The following KCNH6 variants were observed in gnomAD, a reference collection of about 807,000 sequenced individuals.
KCNH6 encodes the protein potassium voltage-gated channel subfamily H member 6.
A neutral mutation model predicts 83.4 loss-of-function variants in KCNH6; 81 were observed. The ratio of observed to expected loss-of-function variants is 0.97; its 90% CI spans 0.81 to 1.17. The LOEUF (loss-of-function observed/expected upper bound fraction) is 1.17. Among genes scored for constraint, KCNH6 ranks in the 50% most tolerant of loss-of-function variants. KCNH6 has a pLI of 0.00. For missense variants in KCNH6, 1,203 were observed against 1,290.5 expected, an observed-to-expected ratio of 0.93 and a Z score of 1.04; for synonymous variants, 503 against 545.6, an observed-to-expected ratio of 0.92 and a Z score of 1.09.
rs2032633343 is a variant in KCNH6, at chr17:63,538,230, C to T, written c.1667C>T (p.Ala556Val). 1 of 1,614,198 alleles carries T rather than the reference C, an allele frequency of 6.2e-7. No homozygotes were observed. Among genetic ancestry groups the T allele is most frequent in the Non-Finnish European group, 8.5e-7 (1 of 1,180,024 alleles). The change falls in exon 7 of 13, where the codon GCC becomes GTC. Residue 556 changes from alanine to valine, a missense_variant. By Grantham distance (64) the Ala-to-Val change is moderately conservative. Coordinates refer to ENST00000314672, the MANE Select transcript of KCNH6 (RefSeq NM_001278919.2). This position sits in a 1 kb window ranked among gnomAD's most constrained non-coding sequence, Gnocchi z 4.0. ...CGCCTGGAGGAGTATTTCCAGCACG[C>T]CTGGTCCTACACCAATGGCATTGAC... ...RQRLEEYFQHAWSYTNGIDMN... is the reference protein window; with the variant it reads ...RQRLEEYFQHVWSYTNGIDMN...
chr17:63,530,050 C>A (rs777794197), intron 2 of KCNH6, 41 bp from the exon 3 acceptor site: 6 of 1,603,714 alleles, frequency 3.7e-6, no homozygotes, highest in Non-Finnish European at 5.1e-6. Context: ...GGAGGGGACC[C>A]CTTCAGGGCC....
rs1403228497 is a variant in KCNH6, at chr17:63,530,551, C to G, written c.675+9C>G. On this transcript the variant is annotated intron_variant, in intron 4 of 12. Coordinates refer to ENST00000314672, the MANE Select transcript of KCNH6 (RefSeq NM_001278919.2). ...CTGAGAAGGTCACCCAGGTGCGGGCCTGCAGAGCAGGGTGTGCAGAGCTGT... is the reference window on the plus strand; with the variant it reads ...CTGAGAAGGTCACCCAGGTGCGGGCGTGCAGAGCAGGGTGTGCAGAGCTGT... 2 of 1,613,588 alleles carry G rather than the reference C, an allele frequency of 1.2e-6. No individual in the cohort carries two copies. Among genetic ancestry groups the G allele is most frequent in the Non-Finnish European group, 8.5e-7 (1 of 1,179,762 alleles).
At chr17:63,542,910 C>A (rs1403007999) in intron 9 of KCNH6, among the ~76,000 whole-genome samples, 1 of 152,152 alleles carries the variant, frequency 6.6e-6, no homozygotes. Flanking sequence ...TTCTCATGCT[C>A]ATCCCTCAGT....
At chr17:63,548,159 G>A (rs377180512), downstream of KCNH6, among the ~76,000 whole-genome samples, 9 of 152,192 alleles carry the variant, frequency 5.9e-5, no homozygotes, top group East Asian at 1.9e-4. Context: ...CCAGCTACTC[G>A]GGAGGCTGAG....
Position 63,538,756 on chromosome 17 carries a change from G to C in KCNH6, c.1954+94G>C. ...CTGCCCAGGCCACCCTCTTCCTGAT[G>C]AGGATTTTACTTTTACTGGCAGCCA... On this transcript the variant is annotated intron_variant, in intron 8 of 12. Transcript: ENST00000314672. The surrounding 1 kb of genome is among the most constrained non-coding windows in gnomAD (Gnocchi z 4.0). The C allele has an allele frequency of 7.4e-7, 1 of 1,351,390 alleles. No individual in the cohort carries two copies. The highest frequency in any genetic ancestry group is 1.0e-6 in the Non-Finnish European group (1 of 992,898). The allele number at this position is 1,351,390 out of a possible 1,614,324, so 83.7% of individuals were successfully genotyped here. A position where few individuals can be genotyped will look rare whatever the true frequency, so the allele number is the denominator to read the frequency against.
rs1598018957 is a variant in KCNH6 at position 63,546,044 on chromosome 17, C to G, written c.*142C>G. On this transcript the variant is annotated 3_prime_UTR_variant, in exon 13 of 13. Transcript: ENST00000314672. ...AGGCGGGCGGATCAGACCATCCTGG[C>G]TAACACGGTGAAACCCCACCTCTAC... 3 of 687,206 alleles carry G rather than the reference C, an allele frequency of 4.4e-6. No homozygotes were observed. In the East Asian group the frequency reaches 8.1e-5, roughly 19 times the overall value. 42.6% of individuals were successfully genotyped at this position (687,206 alleles called of 1,614,324 possible). A position where few individuals can be genotyped will look rare whatever the true frequency, so the allele number is the denominator to read the frequency against.
rs1251861610 is a variant in KCNH6 at position 63,538,121 on chromosome 17, TCGGG to T, written c.1560_1563del (p.Gly521ProfsTer44). ...GTCCGCGATCATCCAGCGCCTGTAC[TCGGG>T]CACCGCGCGCTACCACACGCAGATG... On this transcript the variant is annotated frameshift_variant, in exon 7 of 13. Transcript: ENST00000314672. LOFTEE classifies it high-confidence loss of function. This position sits in a 1 kb window ranked among gnomAD's most constrained non-coding sequence, Gnocchi z 4.0. 6.2e-7 allele frequency: 1 copy of T among 1,614,016 alleles called. No individual in the cohort carries two copies. The highest frequency in any genetic ancestry group is 8.5e-7 in the Non-Finnish European group (1 of 1,180,038).
rs372414827 is a variant in KCNH6 at position 63,545,610 on chromosome 17, C to T, written c.2585C>T (p.Thr862Ile). ...ATCCCTCTTTCTTGCTCCTCCCAGA[C>T]CCCAAGCTATGGAGACTTGGATGAC... ...LPQGFLPPAQ[T>I]PSYGDLDDCS... The change falls in exon 13 of 13, where the codon ACC becomes ATC. Residue 862 changes from threonine (T) to isoleucine (I), a missense_variant and splice_region_variant. Physicochemically the swap from Thr to Ile is moderately conservative, Grantham distance 89. Coordinates refer to ENST00000314672, the MANE Select transcript of KCNH6 (RefSeq NM_001278919.2). 2.5e-6 allele frequency: 4 copies of T among 1,612,142 alleles called. No homozygotes were observed. The highest frequency in any genetic ancestry group is 2.5e-6 in the Non-Finnish European group (3 of 1,178,854).
intron 2 of KCNH6, 131 bp downstream of exon 2, chr17:63,524,500 C>A: frequency 7.2e-6 from 5 of 691,472 alleles, no homozygotes; most frequent in Admixed American, 5.1e-5. Flanking sequence ...CTTCTAGGGG[C>A]CTTGGTTCCT....
downstream of KCNH6, among the ~76,000 whole-genome samples, chr17:63,547,202 G>A (rs1281809372): frequency 6.6e-6 from 1 of 152,026 alleles, no homozygotes; most frequent in Admixed American, 6.6e-5. Flanking sequence ...GTGTGCTTCT[G>A]TGTGTAAATT....
At chr17:63,544,090 G>A (rs889471028) in intron 10 of KCNH6, 159 bp from the exon 11 acceptor site, 4 of 1,609,724 alleles carry the variant, frequency 2.5e-6, no homozygotes, top group African/African-American at 1.3e-5. Context: ...AACTCCATGG[G>A]GGCAGGACCT....
chr17:63,540,142 G>A (rs1364059559), intron 8 of KCNH6, among the ~76,000 whole-genome samples: 2 of 152,224 alleles, frequency 1.3e-5, no homozygotes, highest in East Asian at 3.9e-4. Context: ...TACCTTAGAC[G>A]TGCCATCCAT....
In KCNH6 at chr17:63,524,219, G is replaced by C; in HGVS notation, c.157G>C (p.Gly53Arg). ...YCNDGFCELF[G>R]YSRVEVMQQP... ...CAACGACGGCTTCTGCGAACTCTTC[G>C]GCTACTCCCGAGTGGAGGTGATGCA... is the stretch of plus-strand genomic sequence containing the variant. The change falls in exon 2 of 13, where the codon GGC becomes CGC. Residue 53 changes from glycine (G) to arginine (R), a missense_variant. Transcript: ENST00000314672. 1 of 1,614,092 alleles carries C rather than the reference G, an allele frequency of 6.2e-7. No homozygotes were observed. Among genetic ancestry groups the C allele is most frequent in the Non-Finnish European group, 8.5e-7 (1 of 1,180,026 alleles).
rs1411414296 is a variant in KCNH6 at position 63,542,228 on chromosome 17, C to T, written c.1955-13C>T. ...TCAGACCCTGAAGAGACTCCCACCC[C>T]TCTGGCTGGCAGGAAAGAATGACAT... On this transcript the variant is annotated splice_polypyrimidine_tract_variant and intron_variant, in intron 8 of 12. Coordinates refer to ENST00000314672, the MANE Select transcript of KCNH6 (RefSeq NM_001278919.2). 6.8e-6 allele frequency: 11 copies of T among 1,612,738 alleles called. No homozygotes were observed. The highest frequency in any genetic ancestry group is 1.6e-4 in the Middle Eastern group (1 of 6,078).
rs1055716985 is a variant in KCNH6, at chr17:63,535,468, A to G, written c.1102-201A>G. Among the ~76,000 whole-genome samples the G allele has an allele frequency of 1.3e-5, 2 of 152,220 alleles. No homozygotes were observed. Among genetic ancestry groups the G allele is most frequent in the African/African-American group, 4.8e-5 (2 of 41,464 alleles). On this transcript the variant is annotated intron_variant, in intron 5 of 12. Transcript: ENST00000314672. The surrounding 1 kb of genome is among the most constrained non-coding windows in gnomAD (Gnocchi z 4.9). ...CCACTGGACTTCTGTCCTAGCAACCAGAACACTATTCTGAGCTTTAGGCTG... is the reference window on the plus strand; with the variant it reads ...CCACTGGACTTCTGTCCTAGCAACCGGAACACTATTCTGAGCTTTAGGCTG...
chr17:63,538,636 G>A lies in KCNH6; in HGVS notation c.1928G>A (p.Arg643His). Residue 643 changes from arginine to histidine, a missense_variant, in exon 8 of 13, where the codon CGC becomes CAC. Coordinates refer to ENST00000314672, the MANE Select transcript of KCNH6 (RefSeq NM_001278919.2). The surrounding 1 kb of genome is among the most constrained non-coding windows in gnomAD (Gnocchi z 4.0). ...FISRGSIEIL[R>H]DDVVVAILGK... ...TCCCGAGGCTCCATCGAGATCCTGC[G>A]CGACGACGTGGTCGTGGCCATCCTA... is the stretch of plus-strand genomic sequence containing the variant. 1 of 1,599,614 alleles carries A rather than the reference G, an allele frequency of 6.3e-7. No homozygotes were observed. The highest frequency in any genetic ancestry group is 8.5e-7 in the Non-Finnish European group (1 of 1,170,798).
rs375004915 is a variant in KCNH6 at position 63,535,797 on chromosome 17, C to T, written c.1230C>T (p.Leu410=). The change falls in exon 6 of 13, where the codon CTC becomes CTT. Residue 410 remains leucine (L), a synonymous_variant. Coordinates refer to ENST00000314672, the MANE Select transcript of KCNH6 (RefSeq NM_001278919.2). This position sits in a 1 kb window ranked among gnomAD's most constrained non-coding sequence, Gnocchi z 4.9. ...VLFLLMCTFA[L]IAHWLACIWY... ...TCTTGCTCATGTGCACCTTCGCGCT[C>T]ATAGCGCACTGGCTGGCCTGCATCT... 3.1e-6 allele frequency: 5 copies of T among 1,614,250 alleles called. No individual in the cohort carries two copies. The highest frequency in any genetic ancestry group is 2.2e-5 in the South Asian group (2 of 91,090).
rs35543459 is a variant in KCNH6, at chr17:63,538,300, G to GT, written c.1701+36_1701+37insT. 1.3e-6 allele frequency: 2 copies of GT among 1,486,016 alleles called. No individual in the cohort carries two copies. Among genetic ancestry groups the GT allele is most frequent in the Admixed American group, 2.0e-5 (1 of 49,004 alleles). The allele number at this position is 1,486,016 out of a possible 1,614,324, so 92.1% of individuals were successfully genotyped here. On this transcript the variant is annotated intron_variant, in intron 7 of 12. Coordinates refer to ENST00000314672, the MANE Select transcript of KCNH6 (RefSeq NM_001278919.2). This position sits in a 1 kb window ranked among gnomAD's most constrained non-coding sequence, Gnocchi z 4.0. ...CCGCTCCGGCTAATGCCCCGGGCGTGGGGGGGAGCCAAGATCCTGCGGGGG... is the reference window on the plus strand; with the variant it reads ...CCGCTCCGGCTAATGCCCCGGGCGTGTGGGGGGAGCCAAGATCCTGCGGGGG...
chr17:63,538,593 T>C lies in KCNH6; in HGVS notation c.1885T>C (p.Ser629Pro). The C allele has an allele frequency of 6.2e-7, 1 of 1,612,946 alleles. No individual in the cohort carries two copies. The highest frequency in any genetic ancestry group is 8.5e-7 in the Non-Finnish European group (1 of 1,179,472). Residue 629 changes from serine to proline, a missense_variant, in exon 8 of 13, where the codon TCC becomes CCC. Physicochemically the swap from Ser to Pro is moderately conservative, Grantham distance 74. Coordinates refer to ENST00000314672, the MANE Select transcript of KCNH6 (RefSeq NM_001278919.2). This position sits in a 1 kb window ranked among gnomAD's most constrained non-coding sequence, Gnocchi z 4.0. ...DTLVHLGDVLSTLYFISRGSI... is the reference protein window; with the variant it reads ...DTLVHLGDVLPTLYFISRGSI... ...GCTGGTGCACCTCGGCGACGTGCTC[T>C]CCACCCTCTACTTCATCTCCCGAGG...
Sources: allele counts gnomAD v4.1 joint callset (sites outside exome capture counted in the v4.1 genomes callset), GRCh38; gene constraint gnomAD v4.1.1; non-coding constraint Gnocchi (gnomAD v3.1); transcripts MANE v1.5; gene names NCBI Gene and HGNC (gene_info 2026-07-23, HGNC 2026-07-21).